The following CTNNA2 variants were observed in gnomAD, a reference collection of about 807,000 sequenced individuals.
CTNNA2 encodes catenin alpha 2.
CTNNA2 carries 42 observed loss-of-function variants against 101.0 expected under a neutral mutation model. That is an observed-to-expected ratio of 0.42 (90% confidence interval 0.32 to 0.54). CTNNA2 has a LOEUF of 0.54. CTNNA2 is among the 20% of genes least tolerant of loss of function. The pLI is 0.14. For synonymous variants in CTNNA2, 450 were observed against 456.4 expected (o/e 0.99, Z 0.18); for missense variants, 871 against 1,223.1 (o/e 0.71, Z 4.29).
intron 2 of CTNNA2, among the ~76,000 whole-genome samples, chr2:79,742,112 C>T (rs756036297): frequency 2.6e-5 from 4 of 152,148 alleles, no homozygotes; most frequent in Non-Finnish European, 5.9e-5. Context: ...TTCCCCCCCA[C>T]AAAACTGACA....
intron 4 of CTNNA2, among the ~76,000 whole-genome samples, chr2:79,377,124 T>C (rs1677987418): frequency 6.6e-6 from 1 of 151,740 alleles, no homozygotes; most frequent in African/African-American, 2.4e-5. Context: ...TGTTCCTATT[T>C]CTCCACATCC....
chr2:80,067,124 T>C (rs2148769899), intron 7 of CTNNA2, among the ~76,000 whole-genome samples: 1 of 152,104 alleles, frequency 6.6e-6, no homozygotes, highest in Admixed American at 6.5e-5. Flanking sequence ...GGATGCAAAA[T>C]TTCAGTTATA....
intron 3 of CTNNA2, among the ~76,000 whole-genome samples, chr2:79,765,460 A>C (rs187139279): frequency 6.6e-6 from 1 of 152,194 alleles, no homozygotes; most frequent in Non-Finnish European, 1.5e-5. Context: ...TGTATGCATT[A>C]AAATCGCCTG....
intron 2 of CTNNA2, among the ~76,000 whole-genome samples, chr2:79,269,994 A>G (rs1675042619): frequency 6.6e-6 from 1 of 152,108 alleles, no homozygotes; most frequent in South Asian, 2.1e-4. Context: ...GGTGAATTAA[A>G]GTAACAAAAC....
rs1360812296 is a variant in CTNNA2, at chr2:80,562,804, A to G, written c.1741+6911A>G. On this transcript the variant is annotated intron_variant, in intron 12 of 18. Coordinates refer to ENST00000402739, the MANE Select transcript of CTNNA2 (RefSeq NM_001282597.3). ...TCTGACTATATTTTTAGGTTAAAAA[A>G]TGAGGTGGAAAAAGTATGTATAACA... 6.6e-5 allele frequency among the ~76,000 whole-genome samples: 10 copies of G among 152,198 alleles called. No homozygotes were observed. In the East Asian group the frequency reaches 1.9e-3, roughly 29 times the overall value.
chr2:79,636,175 C>A (rs1190649374), intron 1 of CTNNA2, among the ~76,000 whole-genome samples: 1 of 142,682 alleles, frequency 7.0e-6, no homozygotes, highest in Non-Finnish European at 1.5e-5. Flanking sequence ...GAGGCTGAGG[C>A]AGGAGAATGG....
Position 80,326,663 on chromosome 2 carries a change from G to A in CTNNA2, c.1057-66548G>A, listed in dbSNP as rs181812222. Among the ~76,000 whole-genome samples the A allele has an allele frequency of 2.0e-5, 3 of 152,104 alleles. No individual in the cohort carries two copies. The East Asian group carries it at 5.8e-4, about 29-fold the overall frequency. Reference sequence around the variant, plus strand: ...TCTAATTTTTTTTTAAAAAAAGAGAGGGGGAGAAGATAGAGATTCTAAAAT... The same window carrying A: ...TCTAATTTTTTTTTAAAAAAAGAGAAGGGGAGAAGATAGAGATTCTAAAAT... On this transcript the variant is annotated intron_variant, in intron 7 of 18. Coordinates refer to ENST00000402739, the MANE Select transcript of CTNNA2 (RefSeq NM_001282597.3).
chr2:80,548,303 A>G (rs1692271047), intron 11 of CTNNA2, among the ~76,000 whole-genome samples: 1 of 152,148 alleles, frequency 6.6e-6, no homozygotes, highest in Non-Finnish European at 1.5e-5. Context: ...ATCAATAGGA[A>G]ATACCTATAC....
At chr2:79,971,971 A>T (rs1387025652) in intron 7 of CTNNA2, among the ~76,000 whole-genome samples, 1 of 152,142 alleles carries the variant, frequency 6.6e-6, no homozygotes, top group East Asian at 1.9e-4. Context: ...CCACCTAGTG[A>T]GTTGGGATTC....
At chr2:80,445,680 T>C (rs1208806823) in intron 9 of CTNNA2, among the ~76,000 whole-genome samples, 1 of 152,166 alleles carries the variant, frequency 6.6e-6, no homozygotes, top group Non-Finnish European at 1.5e-5. Context: ...ACTCTGGTGA[T>C]TCTGACACAG....
chr2:79,735,214 T>C (rs2104940942), intron 2 of CTNNA2, among the ~76,000 whole-genome samples: 1 of 152,288 alleles, frequency 6.6e-6, no homozygotes, highest in South Asian at 2.1e-4. Context: ...GCTATTTAAA[T>C]ATGAAACATC....
chr2:79,347,242 A>C (rs1244348759), intron 3 of CTNNA2, among the ~76,000 whole-genome samples: 1 of 152,168 alleles, frequency 6.6e-6, no homozygotes, highest in Non-Finnish European at 1.5e-5. Context: ...TCTTGGTGGA[A>C]ATTTCCAGAG....
At chr2:79,626,912 ATAT>A (rs1558782370) in intron 1 of CTNNA2, among the ~76,000 whole-genome samples, 2 of 152,120 alleles carry the variant, frequency 1.3e-5, no homozygotes, top group Non-Finnish European at 2.9e-5. Context: ...GCTTATGGAA[ATAT>A]TATAGCAATA....
rs61597049 is a variant in CTNNA2 at position 79,404,143 on chromosome 2, T to TA, written c.-135+30142dup. Among the ~76,000 whole-genome samples the TA allele has an allele frequency of 1.1e-4, 16 of 146,690 alleles. No individual in the cohort carries two copies. The South Asian group carries it at 1.9e-3, about 18-fold the overall frequency. On this transcript the variant is annotated intron_variant, in intron 4 of 21. Transcript: ENST00000466387. ...TCTTGCCCTGATTTCTGAATAAATG[T>TA]AAAAAAAAAAAAGGGCAATAGTGTA...
At chr2:79,995,973 C>G (rs1692516249) in intron 7 of CTNNA2, among the ~76,000 whole-genome samples, 2 of 152,112 alleles carry the variant, frequency 1.3e-5, no homozygotes, top group Admixed American at 1.3e-4. Context: ...CATGCCCAAC[C>G]CTCTTGGAAA....
At chr2:79,711,096 A>G (rs1465477847) in intron 2 of CTNNA2, among the ~76,000 whole-genome samples, 5 of 152,218 alleles carry the variant, frequency 3.3e-5, no homozygotes, top group Non-Finnish European at 7.3e-5. Flanking sequence ...TAGGCACTCC[A>G]TGTACTTACT....
In CTNNA2 at chr2:80,200,645, C is replaced by T. The variant is rs35415122; in HGVS notation, c.1057-192566C>T. Among the ~76,000 whole-genome samples, 266 of 152,266 alleles carry T rather than the reference C, an allele frequency of 1.7e-3. 1 individual carries two copies. The highest frequency in any genetic ancestry group is 7.3e-3 in the Admixed American group (111 of 15,288). On this transcript the variant is annotated intron_variant, in intron 7 of 18. Coordinates refer to ENST00000402739, the MANE Select transcript of CTNNA2 (RefSeq NM_001282597.3). ...CCACCTCCTGGGTTCAAGCAATTCT[C>T]CTGCCTTAGCCTCCTGAGTAGCTGG...
intron 1 of CTNNA2, among the ~76,000 whole-genome samples, chr2:79,553,687 AACTC>A (rs879762765): frequency 5.3e-5 from 8 of 152,250 alleles, no homozygotes; most frequent in South Asian, 2.1e-4. Context: ...ATCTTGTGAG[AACTC>A]ACTCACTATC....
intron 1 of CTNNA2, among the ~76,000 whole-genome samples, chr2:79,194,847 T>C (rs1228493552): frequency 6.6e-6 from 1 of 152,252 alleles, no homozygotes; most frequent in East Asian, 1.9e-4. Context: ...AGGATTATGT[T>C]TGGCAGTGGA....
Sources: allele counts gnomAD v4.1 joint callset (sites outside exome capture counted in the v4.1 genomes callset), GRCh38; gene constraint gnomAD v4.1.1; transcripts MANE v1.5; gene names NCBI Gene and HGNC (gene_info 2026-07-23, HGNC 2026-07-21).